Variants in PCNX1 observed in about 807,000 individuals in gnomAD.
PCNX1 encodes the protein pecanex 1, also known as pecanex-like protein 1.
PCNX1 carries 78 observed loss-of-function variants against 242.2 expected under a neutral mutation model. The observed-to-expected ratio is 0.32, with a 90% CI of 0.27 to 0.39. The LOEUF is 0.39. Ranked by LOEUF, PCNX1 falls within the 10% of genes least tolerant of loss-of-function variation. PCNX1 has a pLI of 1.00. For synonymous variants in PCNX1, 1,024 were observed against 1,032.9 expected (o/e 0.99, Z 0.17); for missense variants, 2,581 against 2,856.5 (o/e 0.90, Z 2.20).
intron 28 of PCNX1, among the ~76,000 whole-genome samples, chr14:71,086,912 T>G (rs2062006838): frequency 6.6e-6 from 1 of 152,190 alleles, no homozygotes; most frequent in South Asian, 2.1e-4. Flanking sequence ...TCATGTATTC[T>G]GCCCAGTCTT....
chr14:70,919,649 T>G (rs1367781836), intron 1 of PCNX1, among the ~76,000 whole-genome samples: 1 of 138,118 alleles, frequency 7.2e-6, no homozygotes, highest in African/African-American at 2.7e-5. Context: ...TAGATGAACT[T>G]TACTAAATAC....
At chr14:70,962,470 T>C (rs938567597) in intron 3 of PCNX1, 139 bp downstream of exon 3, 9 of 562,974 alleles carry the variant, frequency 1.6e-5, no homozygotes, top group Admixed American at 3.1e-5. Flanking sequence ...ATAACATCTT[T>C]TATTAATATT....
At chr14:71,068,917 C>T in intron 26 of PCNX1, among the ~76,000 whole-genome samples, 1 of 151,896 alleles carries the variant, frequency 6.6e-6, no homozygotes, top group South Asian at 2.1e-4. Context: ...ACTAGCAGTC[C>T]TTTTTTATAA....
In PCNX1 at chr14:70,978,071, G is replaced by A. The variant is rs3814871; in HGVS notation, c.1734G>A (p.Arg578=). 0.35 allele frequency: 562,122 copies of A among 1,613,714 alleles called. 101,587 individuals carry two copies. The highest frequency in any genetic ancestry group is 0.62 in the East Asian group (27,811 of 44,836). The change falls in exon 6 of 36, where the codon AGG becomes AGA. Residue 578 remains arginine, a synonymous_variant. Transcript: ENST00000304743. ...GCAGTTTTGATTCAAGCCGGCATAG[G>A]GACTATGTTTGCTTTCGAGGTGTTT... ...RASSFDSSRH[R]DYVCFRGVSG...
chr14:71,103,709 C>G (rs112136396), intron 32 of PCNX1, 40 bp downstream of exon 32: 5 of 1,595,524 alleles, frequency 3.1e-6, no homozygotes, highest in Non-Finnish European at 4.3e-6. Flanking sequence ...TGGTGTATTC[C>G]TGACCCTCTT....
chr14:70,963,654 AT>A (rs1488021578), intron 3 of PCNX1, among the ~76,000 whole-genome samples: 36 of 152,198 alleles, frequency 2.4e-4, no homozygotes, highest in Non-Finnish European at 1.0e-4. Flanking sequence ...GTTAAAGTGA[AT>A]GACTAAACTA....
chr14:70,938,716 C>G (rs193079437), intron 1 of PCNX1, among the ~76,000 whole-genome samples: 2 of 152,186 alleles, frequency 1.3e-5, no homozygotes, highest in African/African-American at 4.8e-5. Context: ...ACCAGTTCCT[C>G]CTTATACCTC....
At chr14:70,941,553 C>G (rs2057244652) in intron 1 of PCNX1, among the ~76,000 whole-genome samples, 1 of 152,214 alleles carries the variant, frequency 6.6e-6, no homozygotes, top group African/African-American at 2.4e-5. Context: ...TGGGAGGTGT[C>G]TCCCAGTTAG....
At chr14:71,014,431 C>G (rs187579937) in intron 11 of PCNX1, among the ~76,000 whole-genome samples, 1 of 152,168 alleles carries the variant, frequency 6.6e-6, no homozygotes, top group Non-Finnish European at 1.5e-5. Flanking sequence ...TGAGACCAAA[C>G]TGTAGCTTAA....
In PCNX1 at chr14:71,025,645, A is replaced by G. The variant is rs574535364; in HGVS notation, c.3184-472A>G. ...AAAATAATGAGACTGTGGGAGCCCA[A>G]TGTGGGCAGATCACTTGAGACCAGG... On this transcript the variant is annotated intron_variant, in intron 13 of 35. Transcript: ENST00000304743. Among the ~76,000 whole-genome samples, 405 of 152,246 alleles carry G rather than the reference A, an allele frequency of 2.7e-3. 1 individual carries two copies. The highest frequency in any genetic ancestry group is 4.8e-3 in the Non-Finnish European group (329 of 68,008).
At chr14:71,098,553 T>TGTGTGTGTGTGTGA (rs60367565) in intron 30 of PCNX1, among the ~76,000 whole-genome samples, 2 of 125,668 alleles carry the variant, frequency 1.6e-5, no homozygotes, top group African/African-American at 6.3e-5. Flanking sequence ...TGTGTGTGTG[T>TGTGTGTGTGTGTGA]GAGAGAGAGA....
At chr14:70,989,054 T>C (rs2059081578) in intron 7 of PCNX1, among the ~76,000 whole-genome samples, 2 of 152,112 alleles carry the variant, frequency 1.3e-5, no homozygotes. Context: ...TGACAGTATT[T>C]AATATAATAT....
chr14:70,971,712 G>A (rs907920403), intron 5 of PCNX1, among the ~76,000 whole-genome samples: 7 of 152,118 alleles, frequency 4.6e-5, no homozygotes, highest in Admixed American at 1.3e-4. Context: ...AGTTGAGGGC[G>A]GGCTTCTCTG....
chr14:70,995,778 C>T lies in PCNX1; in HGVS notation c.2482C>T (p.Gln828Ter), dbSNP rs1449554972. ...DGQQGQQSTA[Q>*]VKVQSRPPSQ... ...TCAGCAAGGCCAGCAGTCCACAGCCCAGGTCAAAGTCCAGTCCCGCCCCCC... is the reference window on the plus strand; with the variant it reads ...TCAGCAAGGCCAGCAGTCCACAGCCTAGGTCAAAGTCCAGTCCCGCCCCCC... Residue 828 changes from glutamine to a stop codon, truncating the protein, a stop_gained, in exon 8 of 36, where the codon CAG becomes TAG. Coordinates refer to ENST00000304743, the MANE Select transcript of PCNX1 (RefSeq NM_014982.3). LOFTEE classifies it high-confidence loss of function. 1.2e-6 allele frequency: 2 copies of T among 1,614,102 alleles called. No homozygotes were observed. The highest frequency in any genetic ancestry group is 1.7e-6 in the Non-Finnish European group (2 of 1,180,014).
At chr14:70,933,012 T>C (rs1195096264) in intron 1 of PCNX1, among the ~76,000 whole-genome samples, 1 of 152,218 alleles carries the variant, frequency 6.6e-6, no homozygotes, top group Admixed American at 6.5e-5. Flanking sequence ...ATACATTTTC[T>C]CACTGAGGGG....
chr14:71,006,880 A>T (rs1236317531), intron 8 of PCNX1, among the ~76,000 whole-genome samples: 4 of 152,106 alleles, frequency 2.6e-5, no homozygotes, highest in Non-Finnish European at 5.9e-5. Context: ...GTTCTTTTGG[A>T]GTGAAGTTGG....
Position 71,075,493 on chromosome 14 carries a change from A to G in PCNX1, c.5107-696A>G, listed in dbSNP as rs558921775. On this transcript the variant is annotated intron_variant, in intron 27 of 35. Coordinates refer to ENST00000304743, the MANE Select transcript of PCNX1 (RefSeq NM_014982.3). The stretch of plus-strand genomic sequence containing the variant: ...ATATATCTCTATAACTTGGCCTAGG[A>G]CCACCAGATGGCCTTAATAACTCTC... 5.3e-5 allele frequency among the ~76,000 whole-genome samples: 8 copies of G among 152,308 alleles called. No homozygotes were observed. In the East Asian group the frequency reaches 1.5e-3, roughly 29 times the overall value.
intron 26 of PCNX1, 75 bp downstream of exon 26, chr14:71,057,799 A>G (rs2061222813): frequency 2.0e-6 from 2 of 977,154 alleles, no homozygotes; most frequent in Admixed American, 4.2e-5. Context: ...TCTATCTCAA[A>G]CCAGAAGTTG....
intron 27 of PCNX1, among the ~76,000 whole-genome samples, chr14:71,075,748 T>A (rs2141461996): frequency 6.6e-6 from 1 of 151,940 alleles, no homozygotes; most frequent in South Asian, 2.1e-4. Flanking sequence ...AATACAAAAA[T>A]TTATCTGGGT....
Sources: gnomAD v4.1 joint callset for allele counts (sites outside exome capture counted in the v4.1 genomes callset) on GRCh38, gnomAD v4.1.1 for gene constraint, MANE v1.5 for transcripts, NCBI Gene and HGNC (gene_info 2026-07-23, HGNC 2026-07-21) for gene names.